PCDHGB2: variants seen among roughly 807,000 people sequenced by gnomAD.
PCDHGB2 encodes protocadherin gamma-B2.
PCDHGB2 carries 55 observed loss-of-function variants against 59.3 expected under a neutral mutation model. The observed-to-expected ratio is 0.93, with a 90% CI of 0.75 to 1.16. PCDHGB2 has a LOEUF of 1.16. Among genes scored for constraint, PCDHGB2 ranks in the 50% most tolerant of loss-of-function variants. The pLI is 0.00. For synonymous variants in PCDHGB2, 516 were observed against 512.0 expected, an observed-to-expected ratio of 1.01 and a Z score of -0.11; for missense variants, 1,228 against 1,198.5, an observed-to-expected ratio of 1.02 and a Z score of -0.36.
intron 1 of PCDHGB2, chr5:141,400,023 C>T (rs755667675): frequency 1.1e-5 from 18 of 1,612,872 alleles, no homozygotes; most frequent in Non-Finnish European, 1.3e-5. Context: ...GCGACAGGGA[C>T]GCGGCCCGCC....
chr5:141,380,372 C>T lies in PCDHGB2; in HGVS notation c.2421+17816C>T, dbSNP rs73265858. On this transcript the variant is annotated intron_variant, in intron 1 of 3. Transcript: ENST00000522605. ...TTGTTTGTTTTTTAGAAAAAAAAGT[C>T]CCAAAAAAGAAAAGAGAGAAGATAA... 8.4e-3 allele frequency among the ~76,000 whole-genome samples: 1,279 copies of T among 152,058 alleles called. 17 individuals are homozygous for T. Among genetic ancestry groups the T allele is most frequent in the African/African-American group, 0.029 (1,214 of 41,474 alleles).
chr5:141,374,812 T>C, intron 1 of PCDHGB2: 1 of 1,613,998 alleles, frequency 6.2e-7, no homozygotes, highest in Non-Finnish European at 8.5e-7. Flanking sequence ...CAATGTTTAC[T>C]CAGCCTGTCT....
rs369354938 is a variant in PCDHGB2, at chr5:141,404,125, T to C, written c.2421+41569T>C. 7.5e-4 allele frequency: 1,204 copies of C among 1,613,214 alleles called. 1 individual carries two copies. The highest frequency in any genetic ancestry group is 8.4e-4 in the Non-Finnish European group (986 of 1,179,494). On this transcript the variant is annotated intron_variant, in intron 1 of 3. Coordinates refer to ENST00000522605, the MANE Select transcript of PCDHGB2 (RefSeq NM_018923.3). Reference sequence around the variant, plus strand: ...TCTGTTCTATCCAGGAGAATCTATCTTTTACATTAGAAAATTCAGAAGAAG... The same window carrying C: ...TCTGTTCTATCCAGGAGAATCTATCCTTTACATTAGAAAATTCAGAAGAAG...
rs778198822 is a variant in PCDHGB2 at position 141,432,802 on chromosome 5, A to G, written c.2422-62005A>G. 29 of 1,613,964 alleles carry G rather than the reference A, an allele frequency of 1.8e-5. No individual in the cohort carries two copies. The African/African-American group carries it at 3.6e-4, about 20-fold the overall frequency. On this transcript the variant is annotated intron_variant, in intron 1 of 3. Coordinates refer to ENST00000522605, the MANE Select transcript of PCDHGB2 (RefSeq NM_018923.3). This position sits in a 1 kb window ranked among gnomAD's most constrained non-coding sequence, Gnocchi z 6.0. ...CGGACCTCGGCAGCCTCGAGTCTCC[A>G]GCTAACTCTGAAACCTCAGACCTCA...
intron 1 of PCDHGB2, chr5:141,394,936 T>G: frequency 1.2e-6 from 2 of 1,613,836 alleles, no homozygotes; most frequent in Non-Finnish European, 8.5e-7. Flanking sequence ...CTCGCCTTTG[T>G]CGCTGTGCTT....
chr5:141,485,106 T>C lies in PCDHGB2; in HGVS notation c.2422-9701T>C, dbSNP rs2099607051. The C allele has an allele frequency of 3.3e-6, 4 of 1,206,448 alleles. No homozygotes were observed. Among genetic ancestry groups the C allele is most frequent in the Non-Finnish European group, 4.8e-6 (4 of 828,284 alleles). 74.7% of individuals were successfully genotyped at this position (1,206,448 alleles called of 1,614,324 possible). ...GGGAGATAGGTGTCTCCAGCTGCTGTGGCTGTTTGGGGCGGGTCGGCTTCA... is the reference window on the plus strand; with the variant it reads ...GGGAGATAGGTGTCTCCAGCTGCTGCGGCTGTTTGGGGCGGGTCGGCTTCA... On this transcript the variant is annotated intron_variant, in intron 1 of 3. Coordinates refer to ENST00000522605, the MANE Select transcript of PCDHGB2 (RefSeq NM_018923.3). This position sits in a 1 kb window ranked among gnomAD's most constrained non-coding sequence, Gnocchi z 5.7.
At chr5:141,384,974 AC>A (rs1780722542) in intron 1 of PCDHGB2, 1 of 1,613,712 alleles carries the variant, frequency 6.2e-7, no homozygotes, top group Non-Finnish European at 8.5e-7. Context: ...CTCACGTTGT[AC>A]CTGGTGGTGG....
At chr5:141,494,776 C>T in intron 1 of PCDHGB2, 31 bp from the exon 2 acceptor site, 1 of 1,614,100 alleles carries the variant, frequency 6.2e-7, no homozygotes, top group East Asian at 2.2e-5. Context: ...CTCACGGGTA[C>T]TCAGCCCCTT....
intron 1 of PCDHGB2, among the ~76,000 whole-genome samples, chr5:141,460,612 T>C (rs1215147315): frequency 6.6e-6 from 1 of 152,128 alleles, no homozygotes; most frequent in African/African-American, 2.4e-5. Flanking sequence ...GTTAGATGGA[T>C]AGATAGACAG....
chr5:141,408,729 C>T (rs767933076), intron 1 of PCDHGB2: 9 of 1,610,240 alleles, frequency 5.6e-6, no homozygotes, highest in Non-Finnish European at 7.6e-6. Flanking sequence ...AACTCTAATC[C>T]TTATTTTTCA....
chr5:141,511,265 A>C lies in PCDHGB2; in HGVS notation c.*92A>C. The C allele has an allele frequency of 6.4e-7, 1 of 1,551,730 alleles. No individual in the cohort carries two copies. Among genetic ancestry groups the C allele is most frequent in the Non-Finnish European group, 8.7e-7 (1 of 1,148,178 alleles). ...ACCCAGGCCTCAGAGTTTCAGGGCT[A>C]ACCCCCAGAATACTGGTAGGGGCCA... On this transcript the variant is annotated 3_prime_UTR_variant, in exon 4 of 4. Coordinates refer to ENST00000522605, the MANE Select transcript of PCDHGB2 (RefSeq NM_018923.3).
chr5:141,478,635 A>T, intron 1 of PCDHGB2: 1 of 1,552,830 alleles, frequency 6.4e-7, no homozygotes, highest in Non-Finnish European at 8.7e-7. Context: ...TTTTTTAGTG[A>T]TGAAGATGTT....
chr5:141,440,373 G>A (rs866892003), intron 1 of PCDHGB2: 2 of 152,214 alleles, frequency 1.3e-5, no homozygotes, highest in Non-Finnish European at 2.9e-5. Context: ...GGCCGAGGCA[G>A]GAGAATCGCT....
intron 1 of PCDHGB2, chr5:141,389,425 C>G (rs1464186383): frequency 6.2e-7 from 1 of 1,613,500 alleles, no homozygotes. Context: ...GTGGTGTTCG[C>G]GCAGCGCGCC....
rs943867570 is a variant in PCDHGB2 at position 141,493,651 on chromosome 5, T to C, written c.2422-1156T>C. On this transcript the variant is annotated intron_variant, in intron 1 of 3. Coordinates refer to ENST00000522605, the MANE Select transcript of PCDHGB2 (RefSeq NM_018923.3). The surrounding 1 kb of genome is among the most constrained non-coding windows in gnomAD (Gnocchi z 4.3). ...AGTGGCTGAGGGCTGGCCATCCCTGTGCCCTTCTCCATGGCAGCCCCAGAA... is the reference window on the plus strand; with the variant it reads ...AGTGGCTGAGGGCTGGCCATCCCTGCGCCCTTCTCCATGGCAGCCCCAGAA... Among the ~76,000 whole-genome samples, 1 of 152,204 alleles carries C rather than the reference T, an allele frequency of 6.6e-6. No individual in the cohort carries two copies. The highest frequency in any genetic ancestry group is 1.5e-5 in the Non-Finnish European group (1 of 68,030).
chr5:141,505,803 C>T (rs920849273), intron 3 of PCDHGB2, among the ~76,000 whole-genome samples: 29 of 152,116 alleles, frequency 1.9e-4, no homozygotes, highest in African/African-American at 6.5e-4. Flanking sequence ...GGACTTGGAT[C>T]GACTTGCTCA....
In PCDHGB2 at chr5:141,487,818, G is replaced by A. The variant is rs1009237001; in HGVS notation, c.2422-6989G>A. On this transcript the variant is annotated intron_variant, in intron 1 of 3. Coordinates refer to ENST00000522605, the MANE Select transcript of PCDHGB2 (RefSeq NM_018923.3). This position sits in a 1 kb window ranked among gnomAD's most constrained non-coding sequence, Gnocchi z 5.0. ...GAGTTGTCACAGTTTAGCATTGGGG[G>A]CGGGTCATGCCTATATCTGAGTAAG... The A allele has an allele frequency of 1.2e-4, 158 of 1,331,596 alleles. No homozygotes were observed. The highest frequency in any genetic ancestry group is 1.4e-4 in the Non-Finnish European group (140 of 970,524). 82.5% of individuals were successfully genotyped at this position (1,331,596 alleles called of 1,614,324 possible). A position where few individuals can be genotyped will look rare whatever the true frequency, so the allele number is the denominator to read the frequency against.
Position 141,486,785 on chromosome 5 carries a change from C to G in PCDHGB2, c.2422-8022C>G, listed in dbSNP as rs763174232. The G allele has an allele frequency of 2.8e-5, 45 of 1,614,102 alleles. No homozygotes were observed. The highest frequency in any genetic ancestry group is 3.6e-5 in the Non-Finnish European group (42 of 1,180,050). On this transcript the variant is annotated intron_variant, in intron 1 of 3. Coordinates refer to ENST00000522605, the MANE Select transcript of PCDHGB2 (RefSeq NM_018923.3). The surrounding 1 kb of genome is among the most constrained non-coding windows in gnomAD (Gnocchi z 5.0). ...GACACTGCAGTTTGAGGTGCAGGCC[C>G]GGGATCGGGGCAACCCACCCCTTAG... is the stretch of plus-strand genomic sequence containing the variant.
At position 141,422,099 on chromosome 5, in the gene PCDHGB2, A is replaced by G. The variant is rs374091819; in HGVS notation, c.2421+59543A>G. ...CGGAACATGGAAAGCAAGGCTTCTG[A>G]AATATTCCAATTGGATTCACAAACT... On this transcript the variant is annotated intron_variant, in intron 1 of 3. Transcript: ENST00000522605. 1.9e-6 allele frequency: 3 copies of G among 1,609,706 alleles called. No homozygotes were observed. The African/African-American group carries it at 4.0e-5, about 22-fold the overall frequency.
Sources: gnomAD v4.1 joint callset for allele counts (sites outside exome capture counted in the v4.1 genomes callset) on GRCh38, gnomAD v4.1.1 for gene constraint, Gnocchi (gnomAD v3.1) non-coding constraint, MANE v1.5 for transcripts, NCBI Gene and HGNC (gene_info 2026-07-23, HGNC 2026-07-21) for gene names.